USP25: variants seen among roughly 807,000 people sequenced by gnomAD.
The protein encoded by USP25 is ubiquitin carboxyl-terminal hydrolase 25.
A neutral mutation model predicts 158.5 loss-of-function variants in USP25; 85 were observed. The ratio of observed to expected loss-of-function variants is 0.54; its 90% CI spans 0.45 to 0.64. USP25 has a LOEUF of 0.64. Among genes scored for constraint, USP25 ranks in the 30% least tolerant of loss-of-function variants. The pLI, the probability that USP25 is intolerant of heterozygous loss-of-function variation, is 0.00. For synonymous variants in USP25, 464 were observed against 460.4 expected (o/e 1.01, Z -0.10); for missense variants, 1,242 against 1,327.3 (o/e 0.94, Z 1.00).
At chr21:15,815,899 T>C (rs2146315205) in intron 9 of USP25, among the ~76,000 whole-genome samples, 1 of 152,300 alleles carries the variant, frequency 6.6e-6, no homozygotes, top group African/African-American at 2.4e-5. Context: ...TAACCTTGTC[T>C]TAGATGTGGT....
At chr21:15,791,164 A>G (rs1008376813) in intron 4 of USP25, among the ~76,000 whole-genome samples, 4 of 151,894 alleles carry the variant, frequency 2.6e-5, no homozygotes, top group Non-Finnish European at 4.4e-5. Context: ...TATATTGTAA[A>G]TATGTACTTT....
At chr21:15,732,743 G>A (rs1665002513) in intron 1 of USP25, among the ~76,000 whole-genome samples, 1 of 152,110 alleles carries the variant, frequency 6.6e-6, no homozygotes, top group South Asian at 2.1e-4. Context: ...GCAGATGGAT[G>A]TAAGTTTTTT....
At position 15,736,067 on chromosome 21, in the gene USP25, C is replaced by T. The variant is rs560704254; in HGVS notation, c.45+5629C>T. Among the ~76,000 whole-genome samples the T allele has an allele frequency of 1.1e-4, 16 of 148,966 alleles. 1 individual carries two copies. In the South Asian group the frequency reaches 2.9e-3, roughly 27 times the overall value. On this transcript the variant is annotated intron_variant, in intron 1 of 25. Coordinates refer to ENST00000400183, the MANE Select transcript of USP25 (RefSeq NM_001283041.3). Reference sequence around the variant, plus strand: ...TTTTTTTTATCCCTGCTTGTTTTGTCGTCAGTAGTGTTTGCCAGATGCTGA... The same window carrying T: ...TTTTTTTTATCCCTGCTTGTTTTGTTGTCAGTAGTGTTTGCCAGATGCTGA...
chr21:15,752,680 C>T (rs1370094422), intron 1 of USP25, among the ~76,000 whole-genome samples: 1 of 152,128 alleles, frequency 6.6e-6, no homozygotes, highest in Non-Finnish European at 1.5e-5. Context: ...TAAAGTATCT[C>T]ATTTCTTTTT....
intron 3 of USP25, among the ~76,000 whole-genome samples, chr21:15,769,788 C>T (rs1262808162): frequency 6.6e-6 from 1 of 151,946 alleles, no homozygotes; most frequent in Non-Finnish European, 1.5e-5. Flanking sequence ...AGGAAAAAAA[C>T]AGTATATGCT....
intron 3 of USP25, among the ~76,000 whole-genome samples, chr21:15,775,739 ACCCCCCCC>A (rs57912569): frequency 2.1e-4 from 3 of 14,052 alleles, no homozygotes; most frequent in African/African-American, 9.2e-4. Flanking sequence ...AATGGTTGCC[ACCCCCCCC>A]CCCCCCCGCC....
At chr21:15,830,855 G>A (rs570287133) in intron 15 of USP25, among the ~76,000 whole-genome samples, 26 of 152,178 alleles carry the variant, frequency 1.7e-4, no homozygotes, top group African/African-American at 6.0e-4. Flanking sequence ...CACCGTATGT[G>A]TTGTGTACCC....
At chr21:15,806,399 A>G (rs116754772) in intron 7 of USP25, among the ~76,000 whole-genome samples, 2,211 of 147,176 alleles carry the variant, frequency 0.015, 59 homozygotes, top group African/African-American at 0.053. Flanking sequence ...TTCCTTCTGG[A>G]TGGCTTTTTC....
chr21:15,791,714 G>A (rs1324718723), intron 5 of USP25, 50 bp downstream of exon 5: 1 of 1,541,220 alleles, frequency 6.5e-7, no homozygotes, highest in Admixed American at 1.9e-5. Context: ...TGATAGCAAT[G>A]GAAAGTGAGT....
At chr21:15,733,586 A>G (rs973513201) in intron 1 of USP25, among the ~76,000 whole-genome samples, 1 of 152,026 alleles carries the variant, frequency 6.6e-6, no homozygotes, top group African/African-American at 2.4e-5. Flanking sequence ...CAAGCCTGTA[A>G]TCCCAGTACT....
chr21:15,808,260 G>T, intron 7 of USP25, among the ~76,000 whole-genome samples: 1 of 152,144 alleles, frequency 6.6e-6, no homozygotes. Context: ...CGTGTTGGGA[G>T]AGCAAAGACC....
intron 5 of USP25, among the ~76,000 whole-genome samples, chr21:15,797,133 G>A (rs1326763865): frequency 1.3e-5 from 2 of 151,368 alleles, no homozygotes; most frequent in Non-Finnish European, 3.0e-5. Context: ...GAGCATCAAA[G>A]AGATACTTTG....
At chr21:15,801,484 G>T (rs914918895) in intron 6 of USP25, among the ~76,000 whole-genome samples, 1 of 151,396 alleles carries the variant, frequency 6.6e-6, no homozygotes, top group Non-Finnish European at 1.5e-5. Flanking sequence ...AATTTTATAT[G>T]ATTATTCCAC....
chr21:15,757,393 A>T (rs930258836), intron 1 of USP25, among the ~76,000 whole-genome samples: 4 of 152,218 alleles, frequency 2.6e-5, no homozygotes, highest in African/African-American at 7.2e-5. Flanking sequence ...TGAAAACATG[A>T]ACCATACTAG....
Position 15,842,422 on chromosome 21 carries a change from A to T in USP25, c.2219A>T (p.Tyr740Phe). The change falls in exon 18 of 26, where the codon TAT becomes TTT. Residue 740 changes from tyrosine (Y) to phenylalanine (F), a missense_variant. Around this residue, in one of 3 missense-constraint regions of USP25, gnomAD observed 608 missense variants for 605.2 expected, o/e 1.00. Coordinates refer to ENST00000400183, the MANE Select transcript of USP25 (RefSeq NM_001283041.3). ...GCACAAGCAGCAGGAGACCCAGAAT[A>T]TCTAGAGCAGCCATCAAGAAGTGAT... ...TTAQAAGDPE[Y>F]LEQPSRSDFS... 1.2e-6 allele frequency: 2 copies of T among 1,613,714 alleles called. No homozygotes were observed. Among genetic ancestry groups the T allele is most frequent in the Non-Finnish European group, 1.7e-6 (2 of 1,179,744 alleles).
intron 10 of USP25, among the ~76,000 whole-genome samples, chr21:15,822,762 G>A (rs1418454275): frequency 1.3e-5 from 2 of 151,942 alleles, no homozygotes; most frequent in Non-Finnish European, 2.9e-5. Flanking sequence ...AGATCAAAAT[G>A]AGTAAGCAAA....
intron 19 of USP25, 73 bp from the exon 20 acceptor site, chr21:15,849,704 G>A: frequency 8.5e-7 from 1 of 1,170,274 alleles, no homozygotes; most frequent in Non-Finnish European, 1.2e-6. Context: ...AAACAAAAGA[G>A]TTTCAGCTTG....
chr21:15,772,298 G>A (rs1048920322), intron 3 of USP25, among the ~76,000 whole-genome samples: 9 of 152,082 alleles, frequency 5.9e-5, no homozygotes, highest in African/African-American at 1.2e-4. Context: ...TGAGTATCAC[G>A]TTTTGATATA....
chr21:15,811,097 G>C, intron 8 of USP25, 40 bp from the exon 9 acceptor site: 1 of 1,565,080 alleles, frequency 6.4e-7, no homozygotes, highest in African/African-American at 1.4e-5. Flanking sequence ...TTATAGGTCC[G>C]AAAATTGTAA....
Sources: allele counts gnomAD v4.1 joint callset (sites outside exome capture counted in the v4.1 genomes callset), GRCh38; gene constraint gnomAD v4.1.1; regional missense constraint gnomAD v4.1.1; transcripts MANE v1.5; gene names NCBI Gene and HGNC (gene_info 2026-07-23, HGNC 2026-07-21).